The following CPS1 variants were observed in gnomAD, a reference collection of about 807,000 sequenced individuals.
CPS1 encodes the protein carbamoyl-phosphate synthase [ammonia], mitochondrial.
A neutral mutation model predicts 174.6 loss-of-function variants in CPS1; 109 were observed. The ratio of observed to expected loss-of-function variants is 0.62; its 90% CI spans 0.53 to 0.73. The LOEUF is 0.73. CPS1 is among the 30% of genes least tolerant of loss of function. The pLI, the probability that CPS1 is intolerant of heterozygous loss-of-function variation, is 0.00. For missense variants in CPS1, 1,689 were observed against 1,821.9 expected, an observed-to-expected ratio of 0.93 and a Z score of 1.33; for synonymous variants, 637 against 632.0, an observed-to-expected ratio of 1.01 and a Z score of -0.12.
intron 1 of CPS1, among the ~76,000 whole-genome samples, chr2:210,506,590 G>A (rs1286287450): frequency 1.3e-5 from 2 of 152,136 alleles, no homozygotes; most frequent in African/African-American, 4.8e-5. Flanking sequence ...AGCTAAAGGA[G>A]GAAGTTCGAA....
intron 1 of CPS1, among the ~76,000 whole-genome samples, chr2:210,512,879 G>GTT (rs1695547419): frequency 1.4e-5 from 1 of 70,360 alleles, no homozygotes; most frequent in Non-Finnish European, 2.4e-5. Context: ...TATATATAGA[G>GTT]ATATATATAT....
Position 210,605,193 on chromosome 2 carries a change from A to C in CPS1, c.1928A>C (p.Asn643Thr). 2 of 1,612,282 alleles carry C rather than the reference A, an allele frequency of 1.2e-6. No homozygotes were observed. Among genetic ancestry groups the C allele is most frequent in the Non-Finnish European group, 1.7e-6 (2 of 1,178,830 alleles). The change falls in exon 17 of 38, where the codon AAT becomes ACT. Residue 643 changes from asparagine (N) to threonine (T), a missense_variant. Coordinates refer to ENST00000233072, the MANE Select transcript of CPS1 (RefSeq NM_001875.5). ...EYEVVRDADDNCVTVCNMENV... is the reference protein window; with the variant it reads ...EYEVVRDADDTCVTVCNMENV... ...GAAGTGGTTCGAGATGCTGATGACAATTGTGTCACTGTCTGTAACATGGAA... is the reference window on the plus strand; with the variant it reads ...GAAGTGGTTCGAGATGCTGATGACACTTGTGTCACTGTCTGTAACATGGAA...
At chr2:210,523,142 G>A (rs1695872768) in intron 1 of CPS1, among the ~76,000 whole-genome samples, 1 of 151,958 alleles carries the variant, frequency 6.6e-6, no homozygotes, top group Admixed American at 6.6e-5. Flanking sequence ...TTTGTCATCT[G>A]TAAAATAAGC....
chr2:210,653,672 T>C (rs866719622), intron 28 of CPS1, among the ~76,000 whole-genome samples: 4 of 152,188 alleles, frequency 2.6e-5, no homozygotes, highest in African/African-American at 9.6e-5. Flanking sequence ...TATGTCATTA[T>C]AAAGTAGAGA....
intron 20 of CPS1, among the ~76,000 whole-genome samples, chr2:210,615,378 A>T (rs1419410247): frequency 2.6e-5 from 4 of 152,000 alleles, no homozygotes; most frequent in South Asian, 4.1e-4. Flanking sequence ...AGTCAACAAA[A>T]TTATGAGCCA....
chr2:210,650,547 G>A (rs746451903), intron 28 of CPS1, 109 bp downstream of exon 28: 17 of 855,994 alleles, frequency 2.0e-5, no homozygotes, highest in Non-Finnish European at 3.2e-5. Context: ...ACCTTACTTT[G>A]TATGTTTTCT....
chr2:210,675,877 G>C, intron 36 of CPS1, 37 bp downstream of exon 36: 2 of 984,072 alleles, frequency 2.0e-6, no homozygotes, highest in South Asian at 2.6e-5. Context: ...AAATAATTTA[G>C]AGGATTAACT....
chr2:210,492,258 T>G (rs916982825), intron 1 of CPS1, among the ~76,000 whole-genome samples: 3 of 152,210 alleles, frequency 2.0e-5, no homozygotes, highest in African/African-American at 7.2e-5. Flanking sequence ...GACCCAAAAC[T>G]TTCTGCTTTA....
intron 17 of CPS1, 30 bp downstream of exon 17, chr2:210,605,276 A>C (rs757167233): frequency 6.2e-7 from 1 of 1,610,634 alleles, no homozygotes; most frequent in Non-Finnish European, 8.5e-7. Flanking sequence ...GAACTATAGT[A>C]ATGCTTTCAG....
chr2:210,652,604 G>T (rs1017673337), intron 28 of CPS1, among the ~76,000 whole-genome samples: 2 of 152,052 alleles, frequency 1.3e-5, no homozygotes, highest in Non-Finnish European at 2.9e-5. Flanking sequence ...ATTGAGATAG[G>T]GAACACTGAG....
intron 1 of CPS1, among the ~76,000 whole-genome samples, chr2:210,499,662 C>CA (rs1217104915): frequency 1.3e-5 from 2 of 152,284 alleles, no homozygotes; most frequent in African/African-American, 4.8e-5. Flanking sequence ...TTCCTCTCAG[C>CA]ACTTCCAAGC....
In CPS1 at chr2:210,642,565, A is replaced by G; in HGVS notation, c.3041A>G (p.Asn1014Ser). The G allele has an allele frequency of 6.2e-7, 1 of 1,614,080 alleles. No homozygotes were observed. The highest frequency in any genetic ancestry group is 8.5e-7 in the Non-Finnish European group (1 of 1,179,964). ...CTTGGCAAGAAGACGGTGGTGGTGAATTGCAATCCTGAGACTGTGAGCACA... is the reference window on the plus strand; with the variant it reads ...CTTGGCAAGAAGACGGTGGTGGTGAGTTGCAATCCTGAGACTGTGAGCACA... The part of the protein sequence containing the change: ...RQLGKKTVVV[N>S]CNPETVSTDF... Residue 1014 changes from asparagine to serine, a missense_variant, in exon 25 of 38, where the codon AAT becomes AGT. Physicochemically the swap from Asn to Ser is conservative, Grantham distance 46. Coordinates refer to ENST00000233072, the MANE Select transcript of CPS1 (RefSeq NM_001875.5).
intron 20 of CPS1, among the ~76,000 whole-genome samples, chr2:210,613,958 G>A (rs1032894222): frequency 6.6e-6 from 1 of 151,856 alleles, no homozygotes; most frequent in Non-Finnish European, 1.5e-5. Flanking sequence ...GTGTAAGGAC[G>A]GTGGAGGGCT....
intron 14 of CPS1, 107 bp from the exon 15 acceptor site, chr2:210,600,448 T>C: frequency 1.8e-6 from 2 of 1,113,728 alleles, no homozygotes; most frequent in Non-Finnish European, 2.7e-6. Context: ...TAGACAGTGG[T>C]AACTTCTCGG....
Position 210,648,514 on chromosome 2 carries a change from C to G in CPS1, c.3378C>G (p.Cys1126Trp), listed in dbSNP as rs1371366998. The G allele has an allele frequency of 6.2e-7, 1 of 1,613,430 alleles. No individual in the cohort carries two copies. Among genetic ancestry groups the G allele is most frequent in the Non-Finnish European group, 8.5e-7 (1 of 1,179,670 alleles). Reference protein sequence around the residue: ...LEFAKSVDYPCLLRPSYVLSG... With the variant: ...LEFAKSVDYPWLLRPSYVLSG... ...TTGCAAAGTCTGTGGACTACCCCTG[C>G]TTGTTGAGGCCTTCCTATGTTTTGA... The change falls in exon 27 of 38, where the codon TGC becomes TGG. Residue 1126 changes from cysteine (C) to tryptophan (W), a missense_variant. Physicochemically the swap from Cys to Trp is radical, Grantham distance 215. Transcript: ENST00000233072.
chr2:210,644,936 A>G (rs1024355916), intron 25 of CPS1, among the ~76,000 whole-genome samples: 3 of 152,158 alleles, frequency 2.0e-5, no homozygotes, highest in African/African-American at 7.2e-5. Flanking sequence ...GGGCCTAAAT[A>G]TTTTAGAAAT....
intron 4 of CPS1, among the ~76,000 whole-genome samples, chr2:210,579,327 G>T (rs988085058): frequency 6.6e-6 from 1 of 152,078 alleles, no homozygotes; most frequent in Non-Finnish European, 1.5e-5. Context: ...TGGCCCTTCA[G>T]AAAAATGTGT....
intron 1 of CPS1, among the ~76,000 whole-genome samples, chr2:210,509,408 A>G (rs965931843): frequency 3.9e-5 from 6 of 152,174 alleles, no homozygotes; most frequent in African/African-American, 1.4e-4. Flanking sequence ...TCTATGACAA[A>G]CCCACAGCCA....
intron 2 of CPS1, 34 bp from the exon 3 acceptor site, chr2:210,576,312 T>G (rs754807976): frequency 6.2e-7 from 1 of 1,611,136 alleles, no homozygotes; most frequent in Admixed American, 1.7e-5. Context: ...TTACATACAT[T>G]ATTTGCTGAT....
Sources: allele counts gnomAD v4.1 joint callset (sites outside exome capture counted in the v4.1 genomes callset), GRCh38; gene constraint gnomAD v4.1.1; transcripts MANE v1.5; gene names NCBI Gene and HGNC (gene_info 2026-07-23, HGNC 2026-07-21).